CLTC: variants seen among roughly 807,000 people sequenced by gnomAD.
CLTC encodes the protein clathrin heavy chain, also known as clathrin heavy chain 1.
Under a neutral mutation model 195.8 loss-of-function variants are expected in CLTC, and 16 were observed. That is an observed-to-expected ratio of 0.08 (90% confidence interval 0.06 to 0.12). The LOEUF is 0.12. CLTC is among the 10% of genes least tolerant of loss of function. CLTC has a pLI of 1.00. For missense variants in CLTC, 796 were observed against 2,027.0 expected (o/e 0.39, Z 11.66); for synonymous variants, 667 against 689.4 (o/e 0.97, Z 0.51).
At chr17:59,684,700 G>A (rs541932513) in intron 28 of CLTC, among the ~76,000 whole-genome samples, 2 of 151,844 alleles carry the variant, frequency 1.3e-5, no homozygotes, top group Non-Finnish European at 2.9e-5. Context: ...CAGCTACTCG[G>A]GAGGCTGAGG....
intron 15 of CLTC, 92 bp from the exon 16 acceptor site, chr17:59,674,607 CTG>C: frequency 8.7e-7 from 1 of 1,148,008 alleles, no homozygotes; most frequent in Non-Finnish European, 1.2e-6. Flanking sequence ...GAAAAAAAAA[CTG>C]AGCTTAAAAG....
At chr17:59,693,601 C>T (rs2033358566) in intron 31 of CLTC, 127 bp from the exon 32 acceptor site, 4 of 1,117,172 alleles carry the variant, frequency 3.6e-6, no homozygotes, top group South Asian at 1.7e-5. Flanking sequence ...ATGTGCCCCC[C>T]ATACAACTCA....
In CLTC at chr17:59,681,599, G is replaced by C; in HGVS notation, c.3250-48G>C. The stretch of plus-strand genomic sequence containing the variant: ...TAACAGCTTAAATGTAATTGCTTTG[G>C]GTAGGATTGATTTTACTCTAACCCT... On this transcript the variant is annotated intron_variant, in intron 20 of 31. Coordinates refer to ENST00000269122, the MANE Select transcript of CLTC (RefSeq NM_004859.4). The surrounding 1 kb of genome is among the most constrained non-coding windows in gnomAD (Gnocchi z 5.0). 1 of 1,580,640 alleles carries C rather than the reference G, an allele frequency of 6.3e-7. No homozygotes were observed. The highest frequency in any genetic ancestry group is 8.6e-7 in the Non-Finnish European group (1 of 1,157,744).
intron 8 of CLTC, among the ~76,000 whole-genome samples, chr17:59,662,247 A>G (rs142513426): frequency 6.6e-4 from 100 of 152,340 alleles, no homozygotes; most frequent in African/African-American, 2.2e-3. Flanking sequence ...TTATTTAAAT[A>G]TGAACCTTTT....
chr17:59,663,113 C>A (rs2032647825), intron 8 of CLTC, among the ~76,000 whole-genome samples: 1 of 152,124 alleles, frequency 6.6e-6, no homozygotes, highest in Non-Finnish European at 1.5e-5. Context: ...GACTCTGATA[C>A]AACTTTTTAT....
At chr17:59,677,981 TC>T (rs1030614697) in intron 17 of CLTC, among the ~76,000 whole-genome samples, 5 of 152,160 alleles carry the variant, frequency 3.3e-5, no homozygotes, top group Non-Finnish European at 7.3e-5. Context: ...ATTAAACAGT[TC>T]CTCCACATAC....
chr17:59,675,023 C>A (rs930963354), intron 16 of CLTC, among the ~76,000 whole-genome samples, 180 bp downstream of exon 16: 5 of 152,116 alleles, frequency 3.3e-5, no homozygotes, highest in Non-Finnish European at 5.9e-5. Flanking sequence ...TTTTCTGAAA[C>A]ATTATAGCTG....
chr17:59,689,054 T>C (rs2033242911), intron 30 of CLTC: 1 of 152,178 alleles, frequency 6.6e-6, no homozygotes, highest in Admixed American at 6.6e-5. Flanking sequence ...ATGGTACTTA[T>C]ACTACATAAT....
At position 59,658,135 on chromosome 17, in the gene CLTC, A is replaced by G. The variant is rs367771297; in HGVS notation, c.969+2108A>G. On this transcript the variant is annotated intron_variant, in intron 6 of 31. Coordinates refer to ENST00000269122, the MANE Select transcript of CLTC (RefSeq NM_004859.4). ...GGAGAATTGCTTGAACCCATGAGGC[A>G]GAGGTTGCTGTGAGCCAATATTGTG... is the stretch of plus-strand genomic sequence containing the variant. 5.9e-5 allele frequency among the ~76,000 whole-genome samples: 9 copies of G among 152,220 alleles called. 2 individuals are homozygous for G. The highest frequency in any genetic ancestry group is 2.2e-4 in the African/African-American group (9 of 41,552).
intron 1 of CLTC, among the ~76,000 whole-genome samples, chr17:59,624,473 T>G (rs5015355): frequency 0.41 from 54,273 of 131,988 alleles, 11,431 homozygotes; most frequent in Non-Finnish European, 0.56. Context: ...TTTTTTTTTT[T>G]TTTTTTGAGA....
At chr17:59,673,200 G>A (rs1015295761) in intron 14 of CLTC, among the ~76,000 whole-genome samples, 3 of 152,008 alleles carry the variant, frequency 2.0e-5, no homozygotes, top group African/African-American at 7.3e-5. Context: ...GAGGCTGGTT[G>A]TATAGATTGG....
Position 59,653,196 on chromosome 17 carries a change from A to T in CLTC, c.795+1880A>T, listed in dbSNP as rs187055202. Among the ~76,000 whole-genome samples the T allele has an allele frequency of 9.5e-3, 1,430 of 149,766 alleles. 17 individuals are homozygous for T. The highest frequency in any genetic ancestry group is 0.014 in the Middle Eastern group (4 of 292). ...GTTTATTTATTTATTTATTTATTTT[A>T]TTTATTTTTTTTTTTGAGACAGAGT... On this transcript the variant is annotated intron_variant, in intron 5 of 31. Coordinates refer to ENST00000269122, the MANE Select transcript of CLTC (RefSeq NM_004859.4).
At chr17:59,670,383 G>A (rs774435776) in intron 14 of CLTC, among the ~76,000 whole-genome samples, 18 of 151,534 alleles carry the variant, frequency 1.2e-4, no homozygotes, top group African/African-American at 1.7e-4. Flanking sequence ...AGATTGTTTC[G>A]TCATCCAGGT....
At chr17:59,645,934 A>G (rs2032182722) in intron 2 of CLTC, 1 of 367,390 alleles carries the variant, frequency 2.7e-6, no homozygotes, top group Non-Finnish European at 3.8e-6. Context: ...AAAGGCCATC[A>G]TTTTAATTTT....
intron 1 of CLTC, among the ~76,000 whole-genome samples, chr17:59,638,774 G>A (rs2031944894): frequency 6.6e-6 from 1 of 152,162 alleles, no homozygotes; most frequent in Admixed American, 6.6e-5. Flanking sequence ...ACCTTCTTCT[G>A]TGTGGCCCAG....
Position 59,648,777 on chromosome 17 carries a change from C to T in CLTC, c.681+376C>T, listed in dbSNP as rs1490393853. 11 of 164,506 alleles carry T rather than the reference C, an allele frequency of 6.7e-5. No homozygotes were observed. The highest frequency in any genetic ancestry group is 5.4e-4 in the Admixed American group (9 of 16,538). 10.2% of individuals were successfully genotyped at this position (164,506 alleles called of 1,614,324 possible). On this transcript the variant is annotated intron_variant, in intron 4 of 31. Coordinates refer to ENST00000269122, the MANE Select transcript of CLTC (RefSeq NM_004859.4). The surrounding 1 kb of genome is among the most constrained non-coding windows in gnomAD (Gnocchi z 4.5). Reference sequence around the variant, plus strand: ...TGGCGCAGTCATGGGCTCACTGCAGCCTCGACCTTCTGGGCTCAAGTGATC... The same window carrying T: ...TGGCGCAGTCATGGGCTCACTGCAGTCTCGACCTTCTGGGCTCAAGTGATC...
At chr17:59,667,324 A>G (rs1353478701) in intron 13 of CLTC, among the ~76,000 whole-genome samples, 3 of 152,212 alleles carry the variant, frequency 2.0e-5, no homozygotes, top group Non-Finnish European at 4.4e-5. Flanking sequence ...TTGAGCACCA[A>G]CATAACGCTC....
chr17:59,682,832 C>A lies in CLTC; in HGVS notation c.3765+39C>A. 1.2e-6 allele frequency: 2 copies of A among 1,610,592 alleles called. No individual in the cohort carries two copies. Among genetic ancestry groups the A allele is most frequent in the East Asian group, 4.5e-5 (2 of 44,806 alleles). Reference sequence around the variant, plus strand: ...AAGTTTGAGTGAAGAATTAAAGAAACGCTATTTAAACATTAGTTTAAATAA... The same window carrying A: ...AAGTTTGAGTGAAGAATTAAAGAAAAGCTATTTAAACATTAGTTTAAATAA... On this transcript the variant is annotated intron_variant, in intron 23 of 31. Coordinates refer to ENST00000269122, the MANE Select transcript of CLTC (RefSeq NM_004859.4). The surrounding 1 kb of genome is among the most constrained non-coding windows in gnomAD (Gnocchi z 6.8).
intron 14 of CLTC, among the ~76,000 whole-genome samples, chr17:59,670,727 T>A (rs112891903): frequency 1.3e-5 from 2 of 152,040 alleles, no homozygotes; most frequent in Admixed American, 6.6e-5. Context: ...TTTTGAGCTT[T>A]AAAAAAAATC....
Sources: allele counts gnomAD v4.1 joint callset (sites outside exome capture counted in the v4.1 genomes callset), GRCh38; gene constraint gnomAD v4.1.1; non-coding constraint Gnocchi (gnomAD v3.1); transcripts MANE v1.5; gene names NCBI Gene and HGNC (gene_info 2026-07-23, HGNC 2026-07-21).